The following CAMTA1 variants were observed in gnomAD, a reference collection of about 807,000 sequenced individuals.
The protein encoded by CAMTA1 is calmodulin binding transcription activator 1.
A neutral mutation model predicts 170.9 loss-of-function variants in CAMTA1; 27 were observed. That is an observed-to-expected ratio of 0.16 (90% CI 0.12 to 0.22). The LOEUF is 0.22. CAMTA1 is among the 10% of genes least tolerant of loss of function. The pLI is 1.00. For synonymous variants in CAMTA1, 833 were observed against 891.5 expected (o/e 0.93, Z 1.17); for missense variants, 1,619 against 2,217.2 (o/e 0.73, Z 5.42).
chr1:6,841,467 CTCAATGGGTGGT>C (rs1655666807), intron 3 of CAMTA1, among the ~76,000 whole-genome samples: 1 of 151,866 alleles, frequency 6.6e-6, no homozygotes, highest in Admixed American at 6.6e-5. Context: ...GATTAGTAAC[CTCAATGGGTGGT>C]TCCAGTGGAG....
intron 11 of CAMTA1, among the ~76,000 whole-genome samples, chr1:7,702,136 C>T (rs1236921606): frequency 1.3e-5 from 2 of 152,042 alleles, no homozygotes; most frequent in Admixed American, 6.6e-5. Flanking sequence ...CATGCAGAAA[C>T]GTCACCCCAG....
chr1:7,531,377 C>G (rs1390578302), intron 6 of CAMTA1, among the ~76,000 whole-genome samples: 1 of 152,206 alleles, frequency 6.6e-6, no homozygotes, highest in East Asian at 1.9e-4. Context: ...CTCACAGACT[C>G]GCTGGGGGTT....
At chr1:7,488,675 A>G (rs1185132526) in intron 6 of CAMTA1, among the ~76,000 whole-genome samples, 1 of 152,200 alleles carries the variant, frequency 6.6e-6, no homozygotes, top group Non-Finnish European at 1.5e-5. Context: ...AAACACTTGC[A>G]TACACACACA....
At chr1:7,506,556 AC>A (rs2094114325) in intron 6 of CAMTA1, among the ~76,000 whole-genome samples, 1 of 152,124 alleles carries the variant, frequency 6.6e-6, no homozygotes, top group East Asian at 1.9e-4. Flanking sequence ...ACACATGCTC[AC>A]AAGCTCACTC....
intron 7 of CAMTA1, among the ~76,000 whole-genome samples, chr1:7,650,341 T>A (rs2095840612): frequency 6.6e-6 from 1 of 152,182 alleles, no homozygotes; most frequent in South Asian, 2.1e-4. Context: ...AGATTTCCTG[T>A]GAGGCCAGTT....
intron 3 of CAMTA1, among the ~76,000 whole-genome samples, chr1:6,953,682 A>G (rs1244513526): frequency 6.6e-6 from 1 of 152,254 alleles, no homozygotes; most frequent in Non-Finnish European, 1.5e-5. Context: ...ATAAGATGGA[A>G]AAACCCAAGG....
chr1:7,153,354 T>C (rs2148701624), intron 4 of CAMTA1, among the ~76,000 whole-genome samples: 1 of 152,192 alleles, frequency 6.6e-6, no homozygotes, highest in Non-Finnish European at 1.5e-5. Context: ...TTGGAAACAT[T>C]TGAGGTCACT....
At position 7,507,597 on chromosome 1, in the gene CAMTA1, C is replaced by T. The variant is rs557377251; in HGVS notation, c.510+39696C>T. On this transcript the variant is annotated intron_variant, in intron 6 of 22. Coordinates refer to ENST00000303635, the MANE Select transcript of CAMTA1 (RefSeq NM_015215.4). ...GTGGCTTGACTCAAATTGCATTTTC[C>T]GAGGAGCCCTGCAAGATGGAAGTGC... is the stretch of plus-strand genomic sequence containing the variant. Among the ~76,000 whole-genome samples the T allele has an allele frequency of 7.9e-5, 12 of 152,288 alleles. No homozygotes were observed. The South Asian group carries it at 1.0e-3, about 13-fold the overall frequency.
chr1:7,593,102 A>G (rs1391748081), intron 6 of CAMTA1, among the ~76,000 whole-genome samples: 1 of 152,192 alleles, frequency 6.6e-6, no homozygotes, highest in Non-Finnish European at 1.5e-5. Flanking sequence ...ACTCTGGGGC[A>G]GTGATTTCTC....
intron 22 of CAMTA1, among the ~76,000 whole-genome samples, chr1:7,757,174 A>G (rs1000744134): frequency 1.1e-4 from 17 of 152,146 alleles, no homozygotes; most frequent in African/African-American, 4.1e-4. Flanking sequence ...GCTAATCTTT[A>G]TTTATTATAT....
intron 3 of CAMTA1, among the ~76,000 whole-genome samples, chr1:6,849,908 G>T (rs549011183): frequency 1.3e-5 from 2 of 151,912 alleles, no homozygotes; most frequent in African/African-American, 4.8e-5. Flanking sequence ...GGTGACGCAT[G>T]CCTGTAATCC....
intron 4 of CAMTA1, among the ~76,000 whole-genome samples, chr1:7,206,726 C>G (rs1657800773): frequency 6.6e-6 from 1 of 152,204 alleles, no homozygotes; most frequent in Non-Finnish European, 1.5e-5. Flanking sequence ...TGTTCTCACT[C>G]CTTTCTGTAA....
intron 6 of CAMTA1, among the ~76,000 whole-genome samples, chr1:7,494,735 T>C (rs146316696): frequency 1.3e-4 from 20 of 152,072 alleles, no homozygotes; most frequent in African/African-American, 4.3e-4. Context: ...ACTCCAGAAG[T>C]AGAGATTGCA....
intron 5 of CAMTA1, among the ~76,000 whole-genome samples, chr1:7,376,941 C>T (rs932556492): frequency 1.3e-5 from 2 of 152,122 alleles, no homozygotes; most frequent in African/African-American, 4.8e-5. Flanking sequence ...GATCACAGAC[C>T]GGATCACAGA....
At chr1:7,083,050 A>G (rs1640246715) in intron 3 of CAMTA1, among the ~76,000 whole-genome samples, 1 of 152,202 alleles carries the variant, frequency 6.6e-6, no homozygotes, top group Admixed American at 6.5e-5. Context: ...AATGAATGAA[A>G]GACCGGGTGA....
rs1240912202 is a variant in CAMTA1 at position 7,532,527 on chromosome 1, C to G, written c.510+64626C>G. Among the ~76,000 whole-genome samples, 1 of 152,170 alleles carries G rather than the reference C, an allele frequency of 6.6e-6. No individual in the cohort carries two copies. Among genetic ancestry groups the G allele is most frequent in the Non-Finnish European group, 1.5e-5 (1 of 68,036 alleles). On this transcript the variant is annotated intron_variant, in intron 6 of 22. Coordinates refer to ENST00000303635, the MANE Select transcript of CAMTA1 (RefSeq NM_015215.4). The surrounding 1 kb of genome is among the most constrained non-coding windows in gnomAD (Gnocchi z 4.2). ...ATGTTGCCCAGGTTGGTCTTGAACT[C>G]CTGGGCTCAATCAATCCTCCCATTT...
chr1:7,687,741 A>G (rs2096271095), intron 11 of CAMTA1, among the ~76,000 whole-genome samples: 1 of 152,178 alleles, frequency 6.6e-6, no homozygotes, highest in South Asian at 2.1e-4. Context: ...GATGTCCCAC[A>G]TCTGTTCTGA....
At chr1:7,760,827 T>C (rs957010711) in intron 22 of CAMTA1, among the ~76,000 whole-genome samples, 1 of 152,220 alleles carries the variant, frequency 6.6e-6, no homozygotes, top group Non-Finnish European at 1.5e-5. Flanking sequence ...ATTTTTGACG[T>C]CCAGCATTGC....
intron 4 of CAMTA1, among the ~76,000 whole-genome samples, chr1:7,091,745 A>C (rs1158336240): frequency 2.6e-5 from 4 of 152,182 alleles, no homozygotes; most frequent in Admixed American, 6.5e-5. Context: ...TTAACTGCCC[A>C]CTTTTATCTC....
Sources: allele counts gnomAD v4.1 joint callset (sites outside exome capture counted in the v4.1 genomes callset), GRCh38; gene constraint gnomAD v4.1.1; non-coding constraint Gnocchi (gnomAD v3.1); transcripts MANE v1.5; gene names NCBI Gene and HGNC (gene_info 2026-07-23, HGNC 2026-07-21).